Variants in CNTN5 observed in about 807,000 individuals in gnomAD.
CNTN5 encodes the protein contactin 5.
CNTN5 carries 77 observed loss-of-function variants against 129.1 expected under a neutral mutation model. That is an observed-to-expected ratio of 0.60 (90% confidence interval 0.50 to 0.72). The LOEUF is 0.72. Among genes scored for constraint, CNTN5 ranks in the 30% least tolerant of loss-of-function variants. The probability of loss-of-function intolerance (pLI) is 0.00; values close to 1 mark genes in which losing one functional copy is unlikely to be tolerated. For missense variants in CNTN5, 1,478 were observed against 1,328.8 expected (o/e 1.11, Z -1.75); for synonymous variants, 509 against 465.6 (o/e 1.09, Z -1.20).
At chr11:99,739,132 T>A (rs1192637482) in intron 3 of CNTN5, among the ~76,000 whole-genome samples, 1 of 152,184 alleles carries the variant, frequency 6.6e-6, no homozygotes. Context: ...ATAGCTGTTC[T>A]CCAAACATTC....
At chr11:100,064,770 G>T (rs1319469015) in intron 10 of CNTN5, among the ~76,000 whole-genome samples, 3 of 151,914 alleles carry the variant, frequency 2.0e-5, no homozygotes, top group African/African-American at 7.3e-5. Context: ...GCTTGGTAAA[G>T]TTCTCAATTA....
At chr11:99,422,070 C>T (rs1942911772) in intron 2 of CNTN5, among the ~76,000 whole-genome samples, 1 of 152,010 alleles carries the variant, frequency 6.6e-6, no homozygotes, top group Non-Finnish European at 1.5e-5. Flanking sequence ...GTCATCAGAG[C>T]AATCAAGTCA....
intron 2 of CNTN5, among the ~76,000 whole-genome samples, chr11:99,481,960 A>G (rs1504726): frequency 0.28 from 42,154 of 151,898 alleles, 6,023 homozygotes; most frequent in Admixed American, 0.37. Flanking sequence ...AGCACACAAT[A>G]AATGTTATAA....
At chr11:99,430,366 TA>T (rs1943311269) in intron 2 of CNTN5, among the ~76,000 whole-genome samples, 1 of 150,326 alleles carries the variant, frequency 6.7e-6, no homozygotes, top group Non-Finnish European at 1.5e-5. Flanking sequence ...TATATATATA[TA>T]TGTGTGCACG....
chr11:99,799,506 A>G (rs1181219165), intron 3 of CNTN5, among the ~76,000 whole-genome samples: 1 of 151,826 alleles, frequency 6.6e-6, no homozygotes, highest in Non-Finnish European at 1.5e-5. Flanking sequence ...TGAGATCATC[A>G]TGTCGTTTTT....
chr11:99,731,105 A>ATT (rs888534233), intron 3 of CNTN5, among the ~76,000 whole-genome samples: 2 of 148,058 alleles, frequency 1.4e-5, no homozygotes, highest in Non-Finnish European at 3.0e-5. Flanking sequence ...GGAAATCAGC[A>ATT]TTTTTTTTTT....
At position 99,594,612 on chromosome 11, in the gene CNTN5, C is replaced by T. The variant is rs76194417; in HGVS notation, c.55+38343C>T. Among the ~76,000 whole-genome samples the T allele has an allele frequency of 3.3e-5, 5 of 152,248 alleles. No homozygotes were observed. In the East Asian group the frequency reaches 9.7e-4, roughly 29 times the overall value. The stretch of plus-strand genomic sequence containing the variant: ...CTTTGGCCGGTTCTATCAATATGAG[C>T]TCTTAACTTGGAGTGCAACTGTGAA... On this transcript the variant is annotated intron_variant, in intron 3 of 24. Coordinates refer to ENST00000524871, the MANE Select transcript of CNTN5 (RefSeq NM_014361.4).
intron 15 of CNTN5, among the ~76,000 whole-genome samples, chr11:100,208,341 C>T (rs1170894237): frequency 6.6e-6 from 1 of 152,096 alleles, no homozygotes; most frequent in African/African-American, 2.4e-5. Flanking sequence ...CAATCAGCTG[C>T]CTATCAACTT....
chr11:99,703,589 C>T (rs1008821859), intron 3 of CNTN5, among the ~76,000 whole-genome samples: 5 of 150,488 alleles, frequency 3.3e-5, no homozygotes, highest in Non-Finnish European at 7.5e-5. Flanking sequence ...TTTGTAAATC[C>T]GAAAGTTTAA....
chr11:99,690,488 C>G (rs1164084995), intron 3 of CNTN5, among the ~76,000 whole-genome samples: 1 of 152,050 alleles, frequency 6.6e-6, no homozygotes, highest in Non-Finnish European at 1.5e-5. Flanking sequence ...ATAGTTTTCT[C>G]TTTTTCTAAT....
At chr11:99,086,356 A>T (rs1866005406) in intron 1 of CNTN5, among the ~76,000 whole-genome samples, 1 of 152,334 alleles carries the variant, frequency 6.6e-6, no homozygotes, top group African/African-American at 2.4e-5. Context: ...TGGGTAATTT[A>T]TAAAGAGGTT....
rs146098482 is a variant in CNTN5 at position 99,847,107 on chromosome 11, T to G, written c.577+1845T>G. On this transcript the variant is annotated intron_variant, in intron 6 of 24. Transcript: ENST00000524871. ...ATACAAATATTAGTGGCTTATACCT[T>G]ACAGTTTGGTCTACAGTATTTGATA... is the stretch of plus-strand genomic sequence containing the variant. 4.5e-3 allele frequency among the ~76,000 whole-genome samples: 679 copies of G among 152,336 alleles called. 3 individuals are homozygous for G. The highest frequency in any genetic ancestry group is 0.014 in the African/African-American group (572 of 41,568).
intron 21 of CNTN5, among the ~76,000 whole-genome samples, chr11:100,327,128 C>A (rs963730584): frequency 1.3e-5 from 2 of 152,234 alleles, no homozygotes; most frequent in Non-Finnish European, 2.9e-5. Flanking sequence ...TAACTTGATA[C>A]CGCTGTGTGT....
At chr11:99,584,698 C>G (rs548594422) in intron 3 of CNTN5, among the ~76,000 whole-genome samples, 57 of 152,322 alleles carry the variant, frequency 3.7e-4, no homozygotes, top group Non-Finnish European at 2.9e-5. Flanking sequence ...AGCACTTCTG[C>G]TTCACGCATG....
At chr11:99,878,594 A>G (rs1046350254) in intron 6 of CNTN5, among the ~76,000 whole-genome samples, 1 of 152,190 alleles carries the variant, frequency 6.6e-6, no homozygotes, top group Non-Finnish European at 1.5e-5. Flanking sequence ...CCTCTGGCTC[A>G]CGCCTGTAAT....
chr11:100,190,657 C>T (rs1948453131), intron 13 of CNTN5, among the ~76,000 whole-genome samples: 1 of 151,896 alleles, frequency 6.6e-6, no homozygotes, highest in African/African-American at 2.4e-5. Context: ...AGAATAACTG[C>T]CATAAATCAT....
chr11:99,263,278 C>A (rs899848700), intron 1 of CNTN5, among the ~76,000 whole-genome samples: 17 of 152,012 alleles, frequency 1.1e-4, no homozygotes, highest in Admixed American at 9.2e-4. Flanking sequence ...ACTTTTATCC[C>A]GGAGAAAAAA....
intron 13 of CNTN5, among the ~76,000 whole-genome samples, chr11:100,168,118 G>T (rs1022367731): frequency 1.3e-5 from 2 of 151,924 alleles, no homozygotes; most frequent in Admixed American, 6.6e-5. Context: ...GAACCTTGAA[G>T]AGGTTGGTTC....
At chr11:100,340,688 G>C (rs762653194) in intron 22 of CNTN5, 39 bp downstream of exon 22, 4 of 1,529,552 alleles carry the variant, frequency 2.6e-6, no homozygotes, top group Non-Finnish European at 2.6e-6. Context: ...CAGACAAAGG[G>C]GAAACATCGT....
Sources: allele counts gnomAD v4.1 joint callset (sites outside exome capture counted in the v4.1 genomes callset), GRCh38; gene constraint gnomAD v4.1.1; transcripts MANE v1.5; gene names NCBI Gene and HGNC (gene_info 2026-07-23, HGNC 2026-07-21).